Variants in ZNF23 observed in about 807,000 individuals in gnomAD.
The protein encoded by ZNF23 is kruppel-like zinc finger factor X31.
ZNF23 carries 48 observed loss-of-function variants against 56.2 expected under a neutral mutation model. That is an observed-to-expected ratio of 0.85 (90% confidence interval 0.68 to 1.09). ZNF23 has a LOEUF of 1.09. Ranked by LOEUF, ZNF23 falls within the 50% of genes least tolerant of loss-of-function variation. The pLI, the probability that ZNF23 is intolerant of heterozygous loss-of-function variation, is 0.00. For synonymous variants in ZNF23, 266 were observed against 283.3 expected, an observed-to-expected ratio of 0.94 and a Z score of 0.61; for missense variants, 805 against 811.4, an observed-to-expected ratio of 0.99 and a Z score of 0.10.
Position 71,448,247 on chromosome 16 carries a change from C to T in ZNF23, c.1907G>A (p.Cys636Tyr). The T allele has an allele frequency of 6.2e-7, 1 of 1,614,274 alleles. No homozygotes were observed. Among genetic ancestry groups the T allele is most frequent in the Non-Finnish European group, 8.5e-7 (1 of 1,180,050 alleles). The change falls in exon 5 of 5, where the codon TGT becomes TAT. Residue 636 changes from cysteine to tyrosine, a missense_variant. Cys to Tyr is a radical substitution (Grantham distance 194). Coordinates refer to ENST00000647773, the MANE Select transcript of ZNF23 (RefSeq NM_001381984.1). ...TGEKPFRCVECGKGFSFSSDY... is the reference protein window; with the variant it reads ...TGEKPFRCVEYGKGFSFSSDY... ...AGAACTAAAGCTGAAGCCTTTGCCA[C>T]ATTCCACACATCTGAAGGGTTTCTC...
chr16:71,449,426 T>G lies in ZNF23; in HGVS notation c.728A>C (p.Glu243Ala). ...ATTAATGCTGAAAGCTTTGCCACAC[T>G]CCGAACACTGATAAGGCTTTTCCTC... Reference protein sequence around the residue: ...NTEEKPYQCSECGKAFSINEK... With the variant: ...NTEEKPYQCSACGKAFSINEK... The change falls in exon 5 of 5, where the codon GAG (glutamate) becomes GCG (alanine). Residue 243 changes from glutamate to alanine, a missense_variant. Coordinates refer to ENST00000647773, the MANE Select transcript of ZNF23 (RefSeq NM_001381984.1). The G allele has an allele frequency of 6.2e-7, 1 of 1,614,244 alleles. No homozygotes were observed. The highest frequency in any genetic ancestry group is 8.5e-7 in the Non-Finnish European group (1 of 1,180,038).
At position 71,448,910 on chromosome 16, in the gene ZNF23, C is replaced by T. The variant is rs1450210023; in HGVS notation, c.1244G>A (p.Gly415Asp). 1.9e-6 allele frequency: 3 copies of T among 1,613,834 alleles called. No homozygotes were observed. The highest frequency in any genetic ancestry group is 3.3e-5 in the Admixed American group (2 of 59,996). Reference protein sequence around the residue: ...KPYQCKECGKGFNNNTKLIQH... With the variant: ...KPYQCKECGKDFNNNTKLIQH... ...AATGAGTTTTGTATTATTATTGAAG[C>T]CTTTTCCACACTCTTTACACTGATA... is the stretch of plus-strand genomic sequence containing the variant. Residue 415 changes from glycine (G) to aspartate (D), a missense_variant, in exon 5 of 5, where the codon GGC becomes GAC. Coordinates refer to ENST00000647773, the MANE Select transcript of ZNF23 (RefSeq NM_001381984.1).
chr16:71,452,670 G>A (rs2043096170), intron 4 of ZNF23: 1 of 152,270 alleles, frequency 6.6e-6, no homozygotes, highest in East Asian at 1.9e-4. Context: ...ATACTGAACT[G>A]AGCACACATT....
chr16:71,452,979 T>C (rs2043106189), intron 4 of ZNF23, among the ~76,000 whole-genome samples: 1 of 152,190 alleles, frequency 6.6e-6, no homozygotes, highest in African/African-American at 2.4e-5. Context: ...TCCCTTAATT[T>C]TGTCTGAGAA....
intron 2 of ZNF23, chr16:71,455,995 C>A: frequency 2.2e-6 from 1 of 456,478 alleles, no homozygotes; most frequent in East Asian, 7.0e-5. Flanking sequence ...AACGACCATA[C>A]AAAGGGCTTA....
intron 1 of ZNF23, among the ~76,000 whole-genome samples, chr16:71,460,920 A>G (rs2043423796): frequency 6.6e-6 from 1 of 152,206 alleles, no homozygotes; most frequent in Non-Finnish European, 1.5e-5. Flanking sequence ...AAATACATCG[A>G]TAAATTTTCA....
At chr16:71,456,095 A>T (rs1005071688) in intron 2 of ZNF23, 3 of 454,702 alleles carry the variant, frequency 6.6e-6, no homozygotes, top group Non-Finnish European at 1.3e-5. Context: ...AAGTCCATGG[A>T]TGAGCTTCAG....
At position 71,449,494 on chromosome 16, in the gene ZNF23, A is replaced by G. The variant is rs1373162372; in HGVS notation, c.660T>C (p.Phe220=). The G allele has an allele frequency of 6.2e-7, 1 of 1,614,070 alleles. No individual in the cohort carries two copies. The highest frequency in any genetic ancestry group is 1.3e-5 in the African/African-American group (1 of 74,932). ...PFKCEELVEP[F]RCDSQLIQHQ... ...GTTGAATAAGTTGAGAGTCACACCTAAAGGGCTCTACTAATTCTTCACATT... is the reference window on the plus strand; with the variant it reads ...GTTGAATAAGTTGAGAGTCACACCTGAAGGGCTCTACTAATTCTTCACATT... Residue 220 remains phenylalanine, a synonymous_variant, in exon 5 of 5, where the codon TTT becomes TTC. Transcript: ENST00000647773.
chr16:71,448,448 T>G lies in ZNF23; in HGVS notation c.1706A>C (p.His569Pro), dbSNP rs772121633. 74 of 1,614,122 alleles carry G rather than the reference T, an allele frequency of 4.6e-5. 1 individual carries two copies. The East Asian group carries it at 1.6e-3, about 35-fold the overall frequency. ...ACATTTGAAAGGTTTCTCCCCAGTA[T>G]GTATCCTCTGATGCCTAGTTAGTTT... ...NAKLTRHQRI[H>P]TGEKPFKCME... Residue 569 changes from histidine (H) to proline (P), a missense_variant, in exon 5 of 5, where the codon CAT becomes CCT. Transcript: ENST00000647773.
intron 1 of ZNF23, among the ~76,000 whole-genome samples, chr16:71,461,460 A>G (rs1483927534): frequency 6.6e-6 from 1 of 152,242 alleles, no homozygotes; most frequent in East Asian, 1.9e-4. Context: ...TTTTGACTAA[A>G]TACCATAAGA....
chr16:71,454,233 G>A (rs937574984), intron 2 of ZNF23, 65 bp from the exon 3 acceptor site: 3 of 1,566,506 alleles, frequency 1.9e-6, no homozygotes, highest in African/African-American at 1.4e-5. Context: ...GTGAGGGGCA[G>A]AGCGCAGTAT....
chr16:71,449,966 A>G, intron 4 of ZNF23, 81 bp from the exon 5 acceptor site: 1 of 1,162,856 alleles, frequency 8.6e-7, no homozygotes, highest in Non-Finnish European at 1.2e-6. Context: ...AAAGACCATA[A>G]TAATCAGGGG....
At chr16:71,459,848 T>C (rs760419107) in intron 1 of ZNF23, among the ~76,000 whole-genome samples, 1 of 152,232 alleles carries the variant, frequency 6.6e-6, no homozygotes, top group Non-Finnish European at 1.5e-5. Flanking sequence ...TTGTGACTCA[T>C]GTCCATTTAA....
rs766927804 is a variant in ZNF23, at chr16:71,448,729, G to A, written c.1425C>T (p.Asn475=). Residue 475 remains asparagine (N), a synonymous_variant, in exon 5 of 5, where the codon AAC becomes AAT. Coordinates refer to ENST00000647773, the MANE Select transcript of ZNF23 (RefSeq NM_001381984.1). ...TTCTCAGATGCTGCCGAAATTGGGA[G>A]TTACATCTGAAGGCTTTCCCGCATT... The part of the protein sequence containing the change: ...CNECGKAFRC[N]SQFRQHLRIH... 1.9e-6 allele frequency: 3 copies of A among 1,614,066 alleles called. No homozygotes were observed. The highest frequency in any genetic ancestry group is 2.5e-6 in the Non-Finnish European group (3 of 1,180,008).
intron 1 of ZNF23, among the ~76,000 whole-genome samples, 176 bp from the exon 2 acceptor site, chr16:71,457,004 A>G (rs1198661141): frequency 1.3e-5 from 2 of 152,220 alleles, no homozygotes; most frequent in African/African-American, 2.4e-5. Context: ...ACTCCAGGCT[A>G]TGACACTGAA....
chr16:71,448,395 T>A lies in ZNF23; in HGVS notation c.1759A>T (p.Ser587Cys), dbSNP rs558537809. 1.1e-5 allele frequency: 18 copies of A among 1,614,246 alleles called. No individual in the cohort carries two copies. In the South Asian group the frequency reaches 1.4e-4, roughly 13 times the overall value. ...CTCTGGTGCACAATATAGTTAGAAC[T>A]ACAGCTGAATGCTTTCTCACATTCC... ...CMECEKAFSC[S>C]SNYIVHQRIH... The change falls in exon 5 of 5, where the codon AGT becomes TGT. Residue 587 changes from serine (S) to cysteine (C), a missense_variant. Ser to Cys is a moderately radical substitution (Grantham distance 112, BLOSUM62 -1). Coordinates refer to ENST00000647773, the MANE Select transcript of ZNF23 (RefSeq NM_001381984.1).
chr16:71,453,499 G>T (rs2043125230), intron 3 of ZNF23, 149 bp from the exon 4 acceptor site: 5 of 618,176 alleles, frequency 8.1e-6, no homozygotes, highest in African/African-American at 3.7e-5. Context: ...AAGTACTGTG[G>T]GGCTTAGGAA....
At chr16:71,461,002 T>C (rs1339346880) in intron 1 of ZNF23, among the ~76,000 whole-genome samples, 1 of 152,214 alleles carries the variant, frequency 6.6e-6, no homozygotes, top group African/African-American at 2.4e-5. Context: ...CATTGAATTA[T>C]GCGAGTCCCA....
chr16:71,448,839 C>A lies in ZNF23; in HGVS notation c.1315G>T (p.Glu439Ter), dbSNP rs2042944137. Residue 439 changes from glutamate (E) to a stop codon, truncating the protein, a stop_gained, in exon 5 of 5, where the codon GAA becomes TAA. Transcript: ENST00000647773. LOFTEE classifies it high-confidence loss of function. ...HTGEKPYECTECGKAFSVKGK... is the reference protein window; with the variant it reads ...HTGEKPYECT ...TTGACACTGAAGGCTTTTCCACATTCAGTGCATTCATAGGGTTTCTCACCT... is the reference window on the plus strand; with the variant it reads ...TTGACACTGAAGGCTTTTCCACATTAAGTGCATTCATAGGGTTTCTCACCT... 1 of 1,614,224 alleles carries A rather than the reference C, an allele frequency of 6.2e-7. No homozygotes were observed. Among genetic ancestry groups the A allele is most frequent in the Non-Finnish European group, 8.5e-7 (1 of 1,180,036 alleles).
Sources: gnomAD v4.1 joint callset for allele counts (sites outside exome capture counted in the v4.1 genomes callset) on GRCh38, gnomAD v4.1.1 for gene constraint, MANE v1.5 for transcripts, NCBI Gene and HGNC (gene_info 2026-07-23, HGNC 2026-07-21) for gene names.